Variants in RPL39L observed in about 807,000 individuals in gnomAD.
RPL39L encodes ribosomal protein L39 like.
For synonymous variants in RPL39L, 16 were observed against 20.1 expected (o/e 0.80, Z 0.55); for missense variants, 48 against 58.9 (o/e 0.81, Z 0.61).
At position 187,132,439 on chromosome 3, in the gene RPL39L, G is replaced by A. The variant is rs148927033; in HGVS notation, c.-92-4377C>T. On this transcript the variant is annotated intron_variant, in intron 1 of 2. Transcript: ENST00000296277. The stretch of plus-strand genomic sequence containing the variant: ...CTACAGGTGTAGAAGGAATAGGTGC[G>A]GACCCACCTCTTCAATGAGAGTTCA... 5.8e-3 allele frequency among the ~76,000 whole-genome samples: 889 copies of A among 152,256 alleles called. 8 individuals carry two copies. Among genetic ancestry groups the A allele is most frequent in the African/African-American group, 0.018 (762 of 41,550 alleles).
chr3:187,121,860 T>C (rs939591758), intron 2 of RPL39L, among the ~76,000 whole-genome samples: 2 of 152,246 alleles, frequency 1.3e-5, no homozygotes, highest in African/African-American at 4.8e-5. Context: ...AACTACAACT[T>C]ATCTAACTAA....
At chr3:187,122,445 T>C (rs1720329373) in intron 2 of RPL39L, among the ~76,000 whole-genome samples, 1 of 152,184 alleles carries the variant, frequency 6.6e-6, no homozygotes, top group Admixed American at 6.5e-5. Flanking sequence ...AGTATGACTG[T>C]TTCTGACTGT....
chr3:187,123,126 T>G (rs1372899673), intron 2 of RPL39L, among the ~76,000 whole-genome samples: 6 of 152,190 alleles, frequency 3.9e-5, no homozygotes, highest in Non-Finnish European at 1.5e-5. Flanking sequence ...CAGACACTTC[T>G]GAGACAACTG....
chr3:187,122,176 T>C (rs1267681617), intron 2 of RPL39L, among the ~76,000 whole-genome samples: 4 of 152,218 alleles, frequency 2.6e-5, no homozygotes, highest in African/African-American at 7.2e-5. Context: ...ATCTACTGAA[T>C]TGCATGCTAC....
At chr3:187,124,264 A>C (rs917147698) in intron 2 of RPL39L, among the ~76,000 whole-genome samples, 2 of 152,224 alleles carry the variant, frequency 1.3e-5, no homozygotes, top group Admixed American at 6.5e-5. Flanking sequence ...GATCCTAAGT[A>C]CTGGAGATAC....
At chr3:187,139,003 A>G (rs756604362) in intron 1 of RPL39L, among the ~76,000 whole-genome samples, 7 of 152,048 alleles carry the variant, frequency 4.6e-5, no homozygotes, top group Middle Eastern at 6.8e-3. Context: ...GGTTGCAGTG[A>G]GCCGAGATCA....
At chr3:187,131,686 G>T (rs1720487502) in intron 1 of RPL39L, among the ~76,000 whole-genome samples, 1 of 152,138 alleles carries the variant, frequency 6.6e-6, no homozygotes, top group Admixed American at 6.5e-5. Context: ...GTAATATGTG[G>T]ATAATAATAT....
intron 1 of RPL39L, among the ~76,000 whole-genome samples, chr3:187,129,396 G>C (rs1720450376): frequency 6.6e-6 from 1 of 152,170 alleles, no homozygotes; most frequent in Non-Finnish European, 1.5e-5. Flanking sequence ...TCTTCTCTGG[G>C]ATCACTTCGA....
intron 1 of RPL39L, among the ~76,000 whole-genome samples, chr3:187,138,377 TTA>T (rs950697037): frequency 2.6e-5 from 4 of 152,090 alleles, no homozygotes; most frequent in Non-Finnish European, 5.9e-5. Context: ...TGGTCAGGGT[TTA>T]TGTCTCTGGA....
intron 1 of RPL39L, among the ~76,000 whole-genome samples, chr3:187,136,870 C>G (rs1327265600): frequency 6.6e-6 from 1 of 151,700 alleles, no homozygotes; most frequent in Non-Finnish European, 1.5e-5. Flanking sequence ...ACCATTTAAG[C>G]ATGTAATTAA....
intron 2 of RPL39L, among the ~76,000 whole-genome samples, chr3:187,122,698 C>T (rs367766816): frequency 1.2e-4 from 19 of 152,286 alleles, no homozygotes; most frequent in Non-Finnish European, 2.5e-4. Flanking sequence ...ACCTTATTGG[C>T]AAGAACTGTG....
At chr3:187,136,793 T>TA (rs1223857804) in intron 1 of RPL39L, among the ~76,000 whole-genome samples, 1 of 152,184 alleles carries the variant, frequency 6.6e-6, no homozygotes, top group African/African-American at 2.4e-5. Context: ...TGAGTCATGT[T>TA]AAAAAATAAA....
At chr3:187,138,838 T>C (rs990325889) in intron 1 of RPL39L, among the ~76,000 whole-genome samples, 3 of 152,146 alleles carry the variant, frequency 2.0e-5, no homozygotes, top group African/African-American at 7.2e-5. Flanking sequence ...GGCGGGCGGA[T>C]CACCTGAGGT....
intron 2 of RPL39L, among the ~76,000 whole-genome samples, chr3:187,125,084 A>G (rs964624022): frequency 2.6e-5 from 4 of 152,182 alleles, no homozygotes; most frequent in Non-Finnish European, 5.9e-5. Flanking sequence ...ATGTGCTACT[A>G]AATAAGGCAA....
At chr3:187,132,521 T>C (rs1194881220) in intron 1 of RPL39L, among the ~76,000 whole-genome samples, 3 of 152,158 alleles carry the variant, frequency 2.0e-5, no homozygotes, top group South Asian at 2.1e-4. Flanking sequence ...GATGCTGAAA[T>C]GATTTTCCTT....
At chr3:187,124,329 C>T (rs1720362188) in intron 2 of RPL39L, among the ~76,000 whole-genome samples, 1 of 152,058 alleles carries the variant, frequency 6.6e-6, no homozygotes, top group South Asian at 2.1e-4. Context: ...AGTAAAAAAA[C>T]TGGGCAAATT....
intron 1 of RPL39L, among the ~76,000 whole-genome samples, chr3:187,131,681 ATGTGGATAATAATATC>A (rs1720487466): frequency 6.6e-6 from 1 of 152,214 alleles, no homozygotes; most frequent in Non-Finnish European, 1.5e-5. Context: ...AATCTGTAAT[ATGTGGATAATAATATC>A]TAACATCATA....
At chr3:187,126,214 T>C (rs990339156) in intron 2 of RPL39L, among the ~76,000 whole-genome samples, 2 of 150,960 alleles carry the variant, frequency 1.3e-5, no homozygotes, top group Non-Finnish European at 2.9e-5. Context: ...CAGGCTGGAG[T>C]GCAATGGCGC....
intron 2 of RPL39L, among the ~76,000 whole-genome samples, chr3:187,124,433 G>C (rs1370031891): frequency 1.3e-5 from 2 of 152,070 alleles, no homozygotes; most frequent in Non-Finnish European, 2.9e-5. Flanking sequence ...TGTGGAGATG[G>C]AGGCTCATGA....
Sources: gnomAD v4.1 joint callset for allele counts (sites outside exome capture counted in the v4.1 genomes callset) on GRCh38, gnomAD v4.1.1 for gene constraint, MANE v1.5 for transcripts, NCBI Gene and HGNC (gene_info 2026-07-23, HGNC 2026-07-21) for gene names.